DAB1: variants seen among roughly 807,000 people sequenced by gnomAD.
The protein encoded by DAB1 is DAB adaptor protein 1, also known as disabled homolog 1.
Under a neutral mutation model 64.6 loss-of-function variants are expected in DAB1, and 15 were observed. The observed-to-expected ratio is 0.23, with a 90% confidence interval of 0.16 to 0.36. The LOEUF is 0.36. DAB1 is among the 10% of genes least tolerant of loss of function. The pLI is 1.00. For missense variants in DAB1, 596 were observed against 706.7 expected, an observed-to-expected ratio of 0.84 and a Z score of 1.78; for synonymous variants, 235 against 251.9, an observed-to-expected ratio of 0.93 and a Z score of 0.64.
chr1:58,306,294 C>T (rs1662305902), intron 4 of DAB1, among the ~76,000 whole-genome samples: 1 of 151,936 alleles, frequency 6.6e-6, no homozygotes, highest in Admixed American at 6.6e-5. Context: ...AAAAGGAGAA[C>T]TGGAAGGGGC....
intron 1 of DAB1, among the ~76,000 whole-genome samples, chr1:57,378,864 G>T (rs1224939830): frequency 6.6e-6 from 1 of 152,106 alleles, no homozygotes; most frequent in Non-Finnish European, 1.5e-5. Flanking sequence ...GAATATTGAG[G>T]ATGTCACTGC....
At chr1:58,306,455 G>T (rs10493249) in intron 4 of DAB1, among the ~76,000 whole-genome samples, 22,679 of 152,138 alleles carry the variant, frequency 0.15, 2,084 homozygotes, top group East Asian at 0.33. Flanking sequence ...GACAAATGCT[G>T]TCCAATTCCT....
intron 4 of DAB1, among the ~76,000 whole-genome samples, chr1:57,121,308 C>A (rs1339644491): frequency 1.3e-5 from 2 of 151,902 alleles, no homozygotes; most frequent in African/African-American, 4.8e-5. Context: ...TCACACAAGA[C>A]CAGGACCCCT....
intron 5 of DAB1, among the ~76,000 whole-genome samples, chr1:57,902,532 C>T (rs1202842): frequency 6.6e-6 from 1 of 152,034 alleles, no homozygotes; most frequent in African/African-American, 2.4e-5. Context: ...CATTTAGGAT[C>T]AAATCAAGGG....
At chr1:57,422,459 T>G (rs1211204348) in intron 1 of DAB1, among the ~76,000 whole-genome samples, 1 of 151,816 alleles carries the variant, frequency 6.6e-6, no homozygotes, top group Non-Finnish European at 1.5e-5. Context: ...CTAATGGAGC[T>G]AAACACAGGC....
intron 11 of DAB1, among the ~76,000 whole-genome samples, chr1:57,015,853 G>A (rs1392596436): frequency 6.6e-6 from 1 of 152,194 alleles, no homozygotes; most frequent in African/African-American, 2.4e-5. Flanking sequence ...CTGACTCTTT[G>A]TGGTAAAACC....
intron 2 of DAB1, among the ~76,000 whole-genome samples, chr1:57,161,878 A>C (rs1660792681): frequency 6.6e-6 from 1 of 152,082 alleles, no homozygotes; most frequent in African/African-American, 2.4e-5. Flanking sequence ...TCATACTATA[A>C]ATCTGTGTCT....
chr1:57,635,888 G>T (rs1025230798), intron 7 of DAB1, among the ~76,000 whole-genome samples: 2 of 151,968 alleles, frequency 1.3e-5, no homozygotes, highest in African/African-American at 4.8e-5. Context: ...GAGGTCAGGA[G>T]ATCGAGACCA....
rs550643029 is a variant in DAB1, at chr1:58,163,183, G to A, written n.310-12595C>T. ...ACCCTCTACTGGCAGAGCCTAAGAG[G>A]GAGCCAGTGGACAAAGATAAAAATT... On this transcript the variant is annotated intron_variant and non_coding_transcript_variant, in intron 4 of 20. Coordinates refer to the DAB1 transcript ENST00000485760. 6.7e-4 allele frequency among the ~76,000 whole-genome samples: 102 copies of A among 152,262 alleles called. No individual in the cohort carries two copies. In the South Asian group the frequency reaches 0.02, roughly 30 times the overall value.
rs535871664 is a variant in DAB1, at chr1:57,504,555, AC to A, written n.625+145036del. ...TACTGATATACAAAAATGATTGGAT[AC>A]ATAAATGAATGAGGGAGAATATATA... On this transcript the variant is annotated intron_variant and non_coding_transcript_variant, in intron 7 of 20. Transcript: ENST00000485760. Among the ~76,000 whole-genome samples, 16 of 152,366 alleles carry A rather than the reference AC, an allele frequency of 1.1e-4. No homozygotes were observed. The East Asian group carries it at 3.1e-3, about 29-fold the overall frequency.
At chr1:57,961,970 C>T (rs546004236) in intron 5 of DAB1, among the ~76,000 whole-genome samples, 1 of 123,150 alleles carries the variant, frequency 8.1e-6, no homozygotes, top group African/African-American at 2.7e-5. Context: ...GAAACTCTGT[C>T]TCAAAAAAAA....
chr1:58,115,994 A>T (rs1026314663), intron 5 of DAB1, among the ~76,000 whole-genome samples: 31 of 151,960 alleles, frequency 2.0e-4, no homozygotes, highest in African/African-American at 7.0e-4. Flanking sequence ...ATAAAAAAAA[A>T]AAAAATTAAT....
chr1:57,564,801 G>C (rs1570631795), intron 7 of DAB1, among the ~76,000 whole-genome samples: 1 of 152,174 alleles, frequency 6.6e-6, no homozygotes. Context: ...CGTCCAACTG[G>C]TGTACCTGAA....
At chr1:58,349,890 C>T (rs542376146) in intron 3 of DAB1, among the ~76,000 whole-genome samples, 20 of 152,270 alleles carry the variant, frequency 1.3e-4, no homozygotes, top group African/African-American at 4.8e-4. Context: ...CAAGTCTTAG[C>T]TATTGTGAAC....
At chr1:58,165,767 G>T (rs1655798029) in intron 4 of DAB1, among the ~76,000 whole-genome samples, 1 of 152,196 alleles carries the variant, frequency 6.6e-6, no homozygotes, top group South Asian at 2.1e-4. Flanking sequence ...AGAGGAAAGA[G>T]AACTCTGTTT....
intron 4 of DAB1, among the ~76,000 whole-genome samples, chr1:58,336,110 C>T (rs1336201056): frequency 6.6e-6 from 1 of 152,212 alleles, no homozygotes; most frequent in East Asian, 1.9e-4. Flanking sequence ...GTGTTTTCCA[C>T]TGTGACATGC....
intron 5 of DAB1, among the ~76,000 whole-genome samples, chr1:58,092,172 T>TA: frequency 6.6e-6 from 1 of 151,838 alleles, no homozygotes; most frequent in East Asian, 1.9e-4. Flanking sequence ...CTGTCTCTAC[T>TA]AAAAATACAA....
intron 2 of DAB1, among the ~76,000 whole-genome samples, chr1:57,148,340 A>C (rs1353664050): frequency 6.6e-6 from 1 of 152,222 alleles, no homozygotes; most frequent in Non-Finnish European, 1.5e-5. Context: ...ATTAGGACCT[A>C]GGGCCAAGCT....
intron 3 of DAB1, among the ~76,000 whole-genome samples, chr1:58,470,310 A>G (rs1396617341): frequency 6.6e-6 from 1 of 151,974 alleles, no homozygotes; most frequent in Non-Finnish European, 1.5e-5. Context: ...AGCAGGTGGG[A>G]TTACAGGTGT....
Sources: gnomAD v4.1 joint callset for allele counts (sites outside exome capture counted in the v4.1 genomes callset) on GRCh38, gnomAD v4.1.1 for gene constraint, MANE v1.5 for transcripts, NCBI Gene and HGNC (gene_info 2026-07-23, HGNC 2026-07-21) for gene names.